R3HDM1: variants seen among roughly 807,000 people sequenced by gnomAD.
The protein encoded by R3HDM1 is R3H domain-containing protein 1.
A neutral mutation model predicts 141.1 loss-of-function variants in R3HDM1; 46 were observed. That is an observed-to-expected ratio of 0.33 (90% confidence interval 0.26 to 0.42). The LOEUF (loss-of-function observed/expected upper bound fraction) is 0.42. Ranked by LOEUF, R3HDM1 falls within the 10% of genes least tolerant of loss-of-function variation. The pLI is 1.00. For missense variants in R3HDM1, 1,184 were observed against 1,368.3 expected (o/e 0.87, Z 2.12); for synonymous variants, 435 against 472.9 (o/e 0.92, Z 1.04).
At chr2:135,615,697 C>T (rs1308441186) in intron 3 of R3HDM1, among the ~76,000 whole-genome samples, 1 of 152,180 alleles carries the variant, frequency 6.6e-6, no homozygotes. Flanking sequence ...TGTGGTTGGA[C>T]TCTGACTTAC....
intron 25 of R3HDM1, 119 bp downstream of exon 25, chr2:135,722,125 C>A: frequency 1.0e-6 from 1 of 960,168 alleles, no homozygotes; most frequent in Non-Finnish European, 1.6e-6. Flanking sequence ...TGTGCCTCAG[C>A]CAGTTGGTTT....
At chr2:135,670,637 G>C (rs2068200924) in intron 19 of R3HDM1, among the ~76,000 whole-genome samples, 1 of 152,060 alleles carries the variant, frequency 6.6e-6, no homozygotes, top group Admixed American at 6.6e-5. Flanking sequence ...TAAATGGGGA[G>C]TATCTATAAG....
At chr2:135,535,545 T>A (rs78695400) in intron 1 of R3HDM1, among the ~76,000 whole-genome samples, 56 of 134,348 alleles carry the variant, frequency 4.2e-4, no homozygotes, top group African/African-American at 2.0e-3. Context: ...TAAATAAATA[T>A]GAGATGGCTG....
Position 135,723,778 on chromosome 2 carries a change from CAAAAAAAAAAAAA to C in R3HDM1, c.3050-144_3050-132del, listed in dbSNP as rs541423067. Among the ~76,000 whole-genome samples the C allele has an allele frequency of 9.0e-3, 497 of 55,332 alleles. 4 individuals carry two copies. Among genetic ancestry groups the C allele is most frequent in the African/African-American group, 0.031 (451 of 14,532 alleles). The allele number at this position is 55,332 out of a possible 152,430, so 36.3% of individuals were successfully genotyped here. A position where few individuals can be genotyped will look rare whatever the true frequency, so the allele number is the denominator to read the frequency against. ...GGAGACAGAGTCAGACTCCATCTCC[CAAAAAAAAAAAAA>C]AAAAAAAAAAAAAAGATGGCCCTAA... On this transcript the variant is annotated intron_variant, in intron 26 of 26. Coordinates refer to ENST00000683871, the MANE Select transcript of R3HDM1 (RefSeq NM_001378107.1).
chr2:135,625,515 C>T (rs958488429), intron 7 of R3HDM1, among the ~76,000 whole-genome samples: 4 of 152,052 alleles, frequency 2.6e-5, no homozygotes, highest in Non-Finnish European at 5.9e-5. Context: ...TGTAAGATTG[C>T]GAAATATATA....
intron 1 of R3HDM1, among the ~76,000 whole-genome samples, chr2:135,596,222 T>A (rs570686699): frequency 1.8e-4 from 27 of 152,276 alleles, no homozygotes; most frequent in African/African-American, 6.5e-4. Flanking sequence ...GGTCTCAAAC[T>A]CCTGACCTCA....
chr2:135,637,420 C>T (rs1416570948), intron 11 of R3HDM1, among the ~76,000 whole-genome samples: 2 of 152,140 alleles, frequency 1.3e-5, no homozygotes, highest in Non-Finnish European at 2.9e-5. Context: ...TATGGGAGCA[C>T]TGAGGTGGGT....
intron 19 of R3HDM1, among the ~76,000 whole-genome samples, chr2:135,668,495 G>A (rs1356652135): frequency 6.6e-6 from 1 of 152,078 alleles, no homozygotes; most frequent in African/African-American, 2.4e-5. Flanking sequence ...TTCCCTTCTG[G>A]GGTACCGATC....
In R3HDM1 at chr2:135,675,425, A is replaced by G. The variant is rs780499252; in HGVS notation, c.2246A>G (p.Asn749Ser). Reference protein sequence around the residue: ...QSQSLVSGQPNSIGNQIQGVV... With the variant: ...QSQSLVSGQPSSIGNQIQGVV... ...CAGAGCCTAGTCAGTGGCCAACCCAACAGCATTGGAAATCAGATTCAAGGA... is the reference window on the plus strand; with the variant it reads ...CAGAGCCTAGTCAGTGGCCAACCCAGCAGCATTGGAAATCAGATTCAAGGA... Residue 749 changes from asparagine to serine, a missense_variant, in exon 20 of 27, where the codon AAC becomes AGC. Asn to Ser is a conservative substitution (Grantham distance 46, BLOSUM62 1). This residue lies in a region of R3HDM1 where 563 missense variants were observed against 562.0 expected (regional missense o/e 1.00). Transcript: ENST00000683871. 3.0e-5 allele frequency: 48 copies of G among 1,613,864 alleles called. 1 individual carries two copies. The South Asian group carries it at 3.2e-4, about 11-fold the overall frequency.
chr2:135,543,988 C>G (rs1218265911), intron 1 of R3HDM1, among the ~76,000 whole-genome samples: 2 of 152,222 alleles, frequency 1.3e-5, no homozygotes, highest in Admixed American at 6.5e-5. Context: ...ACAGCTCTGC[C>G]TCTTAACAAC....
At chr2:135,681,193 T>C (rs1051452551) in intron 21 of R3HDM1, among the ~76,000 whole-genome samples, 9 of 152,218 alleles carry the variant, frequency 5.9e-5, no homozygotes, top group African/African-American at 2.2e-4. Context: ...CAGAATGTAT[T>C]ACCAAACCAT....
chr2:135,605,386 A>G (rs927071025), intron 3 of R3HDM1: 3 of 161,970 alleles, frequency 1.9e-5, no homozygotes, highest in African/African-American at 7.2e-5. Context: ...CAGACGAACT[A>G]TTGGCAAAAA....
intron 19 of R3HDM1, among the ~76,000 whole-genome samples, chr2:135,670,643 A>G (rs1178732194): frequency 3.9e-5 from 6 of 152,212 alleles, no homozygotes; most frequent in Admixed American, 1.3e-4. Context: ...GGGAGTATCT[A>G]TAAGTGATTA....
At chr2:135,714,764 T>C (rs901207731) in intron 23 of R3HDM1, among the ~76,000 whole-genome samples, 1 of 146,768 alleles carries the variant, frequency 6.8e-6, no homozygotes, top group African/African-American at 2.5e-5. Flanking sequence ...TATGGGTGTA[T>C]ACACACACAC....
chr2:135,584,162 T>A, intron 1 of R3HDM1: 1 of 644,914 alleles, frequency 1.6e-6, no homozygotes, highest in Non-Finnish European at 1.9e-6. Flanking sequence ...ACACCATCTC[T>A]AATAAAAATA....
intron 1 of R3HDM1, among the ~76,000 whole-genome samples, chr2:135,561,931 C>A (rs1213036932): frequency 1.3e-5 from 2 of 152,068 alleles, no homozygotes; most frequent in Non-Finnish European, 2.9e-5. Context: ...GCAAATATTT[C>A]TCTCCTGTAC....
rs911009655 is a variant in R3HDM1 at position 135,630,281 on chromosome 2, C to CAAAAAAAAAAAAA, written c.498-1422_498-1410dup. On this transcript the variant is annotated intron_variant, in intron 7 of 26. Transcript: ENST00000683871. ...AACAAGAGCGAAACTCCTTCTCAAC[C>CAAAAAAAAAAAAA]AAAAAAAAAAAAAAAAAAAAAAAAA... is the stretch of plus-strand genomic sequence containing the variant. 1.9e-3 allele frequency among the ~76,000 whole-genome samples: 76 copies of CAAAAAAAAAAAAA among 39,308 alleles called. 9 individuals carry two copies. Among genetic ancestry groups the CAAAAAAAAAAAAA allele is most frequent in the African/African-American group, 5.8e-3 (63 of 10,822 alleles). 25.8% of individuals were successfully genotyped at this position (39,308 alleles called of 152,430 possible).
chr2:135,545,904 G>A (rs904066582), intron 1 of R3HDM1, among the ~76,000 whole-genome samples: 24 of 152,202 alleles, frequency 1.6e-4, no homozygotes, highest in Non-Finnish European at 2.5e-4. Context: ...ATTAGAATGT[G>A]AGAAGTCATC....
intron 24 of R3HDM1, among the ~76,000 whole-genome samples, chr2:135,718,060 C>T (rs578171516): frequency 1.3e-5 from 2 of 152,028 alleles, no homozygotes; most frequent in African/African-American, 2.4e-5. Context: ...CTCCGGGTCA[C>T]GACGTTAACC....
Sources: gnomAD v4.1 joint callset for allele counts (sites outside exome capture counted in the v4.1 genomes callset) on GRCh38, gnomAD v4.1.1 for gene constraint, gnomAD v4.1.1 regional missense constraint, MANE v1.5 for transcripts, NCBI Gene and HGNC (gene_info 2026-07-23, HGNC 2026-07-21) for gene names.